The following CHN1 variants were observed in gnomAD, a reference collection of about 807,000 sequenced individuals.
CHN1 encodes the protein chimerin 1.
Under a neutral mutation model 59.5 loss-of-function variants are expected in CHN1, and 37 were observed. The ratio of observed to expected loss-of-function variants is 0.62; its 90% CI spans 0.48 to 0.82. CHN1 has a LOEUF of 0.82. Ranked by LOEUF, CHN1 falls within the 40% of genes least tolerant of loss-of-function variation. The pLI, the probability that CHN1 is intolerant of heterozygous loss-of-function variation, is 0.00. For missense variants in CHN1, 469 were observed against 571.0 expected (o/e 0.82, Z 1.82); for synonymous variants, 206 against 200.4 (o/e 1.03, Z -0.24).
chr2:174,801,911 G>T, intron 11 of CHN1, 99 bp from the exon 12 acceptor site: 3 of 905,418 alleles, frequency 3.3e-6, no homozygotes, highest in Non-Finnish European at 5.4e-6. Flanking sequence ...TCTGAAACTG[G>T]TAAGAAATGC....
intron 3 of CHN1, among the ~76,000 whole-genome samples, chr2:174,926,513 G>C (rs371435490): frequency 6.6e-6 from 1 of 152,264 alleles, no homozygotes; most frequent in African/African-American, 2.4e-5. Flanking sequence ...TTTCACCCTG[G>C]CATTGTAAAT....
At chr2:174,893,867 C>T (rs1047510106) in intron 5 of CHN1, among the ~76,000 whole-genome samples, 1 of 152,096 alleles carries the variant, frequency 6.6e-6, no homozygotes, top group Admixed American at 6.6e-5. Flanking sequence ...CAAGACTACA[C>T]AACAGGAAAA....
Position 174,883,703 on chromosome 2 carries a change from A to C in CHN1, c.261-5575T>G, listed in dbSNP as rs556822674. ...CAAGTTAGAGGAAACAAAATCATGC[A>C]TGGGAATGAAAATATGCTCAAAAAA... On this transcript the variant is annotated intron_variant, in intron 5 of 12. Transcript: ENST00000409900. Among the ~76,000 whole-genome samples the C allele has an allele frequency of 4.6e-5, 7 of 152,272 alleles. No individual in the cohort carries two copies. In the East Asian group the frequency reaches 1.3e-3, roughly 29 times the overall value.
chr2:174,932,793 C>A (rs1410021848), intron 3 of CHN1, among the ~76,000 whole-genome samples: 1 of 152,228 alleles, frequency 6.6e-6, no homozygotes, highest in Admixed American at 6.5e-5. Flanking sequence ...GATGCCTGCT[C>A]TGGCTTTGCC....
rs1464140200 is a variant in CHN1, at chr2:174,812,421, G to A, written c.774C>T (p.Asp258=). Reference sequence around the variant, plus strand: ...TGTACACCTTTTTGACATGCTTCAAGTCTGGCTTACAGTCATTTGGGACCA... The same window carrying A: ...TGTACACCTTTTTGACATGCTTCAAATCTGGCTTACAGTCATTTGGGACCA... The part of the protein sequence containing the change: ...SKMVPNDCKP[D]LKHVKKVYSC... The change falls in exon 9 of 13, where the codon GAC becomes GAT. Residue 258 remains aspartate, a synonymous_variant. Coordinates refer to ENST00000409900, the MANE Select transcript of CHN1 (RefSeq NM_001822.7). 1 of 1,613,862 alleles carries A rather than the reference G, an allele frequency of 6.2e-7. No homozygotes were observed. Among genetic ancestry groups the A allele is most frequent in the Non-Finnish European group, 8.5e-7 (1 of 1,179,890 alleles).
rs1445547320 is a variant in CHN1 at position 174,847,169 on chromosome 2, A to G, written c.550-212T>C. 6 of 1,523,650 alleles carry G rather than the reference A, an allele frequency of 3.9e-6. No individual in the cohort carries two copies. In the African/African-American group the frequency reaches 5.6e-5, roughly 14 times the overall value. 94.4% of individuals were successfully genotyped at this position (1,523,650 alleles called of 1,614,324 possible). A position where few individuals can be genotyped will look rare whatever the true frequency, so the allele number is the denominator to read the frequency against. On this transcript the variant is annotated intron_variant, in intron 6 of 12. Transcript: ENST00000409900. ...AAGGAAAGAAAACCTATAGTGGTCT[A>G]TGTCTGTCGATGATATCTATTCAGC...
intron 3 of CHN1, among the ~76,000 whole-genome samples, chr2:174,942,606 G>A (rs1228372137): frequency 2.0e-5 from 3 of 152,068 alleles, no homozygotes; most frequent in African/African-American, 7.2e-5. Flanking sequence ...AGCTAGAAGA[G>A]AGAATTGTGA....
At chr2:174,943,181 C>T (rs1019995624) in intron 3 of CHN1, among the ~76,000 whole-genome samples, 2 of 125,016 alleles carry the variant, frequency 1.6e-5, no homozygotes, top group African/African-American at 6.3e-5. Context: ...TTAGGGTTTG[C>T]TTGTGTGTGT....
chr2:174,881,600 G>C (rs1687739503), intron 5 of CHN1, among the ~76,000 whole-genome samples: 1 of 152,180 alleles, frequency 6.6e-6, no homozygotes, highest in South Asian at 2.1e-4. Flanking sequence ...TGCAGAGAAT[G>C]ACAGAATGAG....
At chr2:174,920,126 T>C (rs971620686) in intron 3 of CHN1, among the ~76,000 whole-genome samples, 10 of 152,332 alleles carry the variant, frequency 6.6e-5, no homozygotes, top group Admixed American at 3.3e-4. Context: ...AGGACTTCCT[T>C]TGGTATTCAA....
intron 5 of CHN1, among the ~76,000 whole-genome samples, chr2:174,909,748 A>G (rs1558977479): frequency 6.6e-6 from 1 of 152,220 alleles, no homozygotes; most frequent in Non-Finnish European, 1.5e-5. Flanking sequence ...ATTACCTTAA[A>G]TAACTTATGT....
intron 6 of CHN1, among the ~76,000 whole-genome samples, chr2:174,870,242 T>C (rs1012255255): frequency 6.6e-6 from 1 of 152,180 alleles, no homozygotes; most frequent in Non-Finnish European, 1.5e-5. Context: ...ATAAGATTAG[T>C]AGCCATTATA....
At chr2:174,897,785 T>G (rs1688262989) in intron 5 of CHN1, among the ~76,000 whole-genome samples, 1 of 152,114 alleles carries the variant, frequency 6.6e-6, no homozygotes, top group Non-Finnish European at 1.5e-5. Flanking sequence ...TTAGAACTGA[T>G]TTACAATCTA....
intron 1 of CHN1, among the ~76,000 whole-genome samples, chr2:174,959,692 G>A (rs1352045132): frequency 6.6e-6 from 1 of 152,178 alleles, no homozygotes; most frequent in Non-Finnish European, 1.5e-5. Context: ...AGGAATAACT[G>A]AAACTGGTGA....
intron 7 of CHN1, chr2:174,846,244 C>A: frequency 6.7e-7 from 1 of 1,503,110 alleles, no homozygotes; most frequent in Admixed American, 2.2e-5. Context: ...CACATATCAC[C>A]TTGAAAGAAA....
intron 5 of CHN1, among the ~76,000 whole-genome samples, chr2:174,891,140 CAAAAAAAAAAAA>C (rs58016502): frequency 4.5e-4 from 11 of 24,426 alleles, no homozygotes; most frequent in African/African-American, 6.2e-4. Flanking sequence ...GACTCCATCT[CAAAAAAAAAAAA>C]AAAAAAAAAA....
At chr2:174,852,698 A>G (rs1686775612) in intron 6 of CHN1, among the ~76,000 whole-genome samples, 1 of 152,210 alleles carries the variant, frequency 6.6e-6, no homozygotes, top group Admixed American at 6.5e-5. Flanking sequence ...ACGTTATAGT[A>G]ACCAAGACAG....
intron 6 of CHN1, among the ~76,000 whole-genome samples, chr2:174,867,643 T>A (rs1464263943): frequency 1.3e-5 from 2 of 152,086 alleles, no homozygotes; most frequent in Non-Finnish European, 2.9e-5. Context: ...ATTGAAAGAA[T>A]GAATGAATAA....
At chr2:174,929,296 G>A (rs528436059) in intron 3 of CHN1, among the ~76,000 whole-genome samples, 1 of 152,272 alleles carries the variant, frequency 6.6e-6, no homozygotes, top group East Asian at 1.9e-4. Context: ...AACTTGCGAA[G>A]GCCAGACATG....
Sources: gnomAD v4.1 joint callset for allele counts (sites outside exome capture counted in the v4.1 genomes callset) on GRCh38, gnomAD v4.1.1 for gene constraint, MANE v1.5 for transcripts, NCBI Gene and HGNC (gene_info 2026-07-23, HGNC 2026-07-21) for gene names.